Variants in DPP6 observed in about 807,000 individuals in gnomAD.
DPP6 encodes A-type potassium channel modulatory protein DPP6.
Under a neutral mutation model 122.6 loss-of-function variants are expected in DPP6, and 69 were observed. The ratio of observed to expected loss-of-function variants is 0.56; its 90% CI spans 0.46 to 0.69. The LOEUF (loss-of-function observed/expected upper bound fraction) is 0.69. Among genes scored for constraint, DPP6 ranks in the 30% least tolerant of loss-of-function variants. The probability of loss-of-function intolerance (pLI) is 0.00; values close to 1 mark genes in which losing one functional copy is unlikely to be tolerated. For synonymous variants in DPP6, 418 were observed against 433.1 expected (o/e 0.97, Z 0.43); for missense variants, 928 against 1,116.9 (o/e 0.83, Z 2.41).
intron 1 of DPP6, among the ~76,000 whole-genome samples, 173 bp downstream of exon 1, chr7:154,053,236 G>A (rs1335513524): frequency 1.5e-5 from 2 of 135,522 alleles, no homozygotes; most frequent in Non-Finnish European, 3.2e-5. Flanking sequence ...CGGTCACCGC[G>A]TCCCGGAGGG....
the DPP6 span, among the ~76,000 whole-genome samples, chr7:153,833,631 G>A: frequency 7.3e-5 from 11 of 151,348 alleles, no homozygotes; most frequent in African/African-American, 2.7e-4. Context: ...AAATTGGAGT[G>A]TCACTGCACT....
chr7:153,980,648 A>G (rs1389209918), intron 1 of DPP6, among the ~76,000 whole-genome samples: 1 of 152,080 alleles, frequency 6.6e-6, no homozygotes, highest in African/African-American at 2.4e-5. Context: ...TAGGGTGTCA[A>G]CCTTAGACCT....
the DPP6 span, among the ~76,000 whole-genome samples, chr7:153,757,341 C>T: frequency 6.6e-6 from 1 of 152,170 alleles, no homozygotes; most frequent in Non-Finnish European, 1.5e-5. Context: ...AATGTGCGCA[C>T]AGCAGAACAA....
chr7:154,581,994 G>T (rs1387532565), intron 5 of DPP6, among the ~76,000 whole-genome samples: 1 of 152,142 alleles, frequency 6.6e-6, no homozygotes, highest in East Asian at 1.9e-4. Flanking sequence ...GGCATAACTG[G>T]AGTAGACCCG....
chr7:154,345,169 G>A (rs561350765), intron 1 of DPP6, among the ~76,000 whole-genome samples: 2 of 152,224 alleles, frequency 1.3e-5, no homozygotes, highest in African/African-American at 4.8e-5. Context: ...GGTGTCTGGT[G>A]AGGGCTCTCT....
At position 154,313,751 on chromosome 7, in the gene DPP6, A is replaced by ACACACACACACATACACC. The variant is rs147976247; in HGVS notation, c.244-132462_244-132461insACACACACACATACACCC. On this transcript the variant is annotated intron_variant, in intron 1 of 25. Transcript: ENST00000377770. ...CACGCACACACACACACACACACAC[A>ACACACACACACATACACC]CCCTTACATATATATGTAGTACTTC... Among the ~76,000 whole-genome samples, 10 of 45,276 alleles carry ACACACACACACATACACC rather than the reference A, an allele frequency of 2.2e-4. 2 individuals carry two copies. The highest frequency in any genetic ancestry group is 1.4e-3 in the Admixed American group (6 of 4,216). The allele number at this position is 45,276 out of a possible 152,430, so 29.7% of individuals were successfully genotyped here.
At chr7:154,203,858 A>G (rs1272756930) in intron 1 of DPP6, among the ~76,000 whole-genome samples, 2 of 152,322 alleles carry the variant, frequency 1.3e-5, no homozygotes, top group South Asian at 2.1e-4. Context: ...ACTTTGCCTC[A>G]GTTTCTTATA....
intron 1 of DPP6, among the ~76,000 whole-genome samples, chr7:154,235,051 T>G (rs2150859471): frequency 6.6e-6 from 1 of 152,348 alleles, no homozygotes; most frequent in East Asian, 1.9e-4. Context: ...ACCATACAAT[T>G]TACCCATTTA....
At chr7:154,134,044 T>C (rs1286322403) in intron 1 of DPP6, among the ~76,000 whole-genome samples, 1 of 151,850 alleles carries the variant, frequency 6.6e-6, no homozygotes, top group Non-Finnish European at 1.5e-5. Context: ...AATTTGGTTT[T>C]CCACTGTGCA....
chr7:153,991,206 C>G (rs1251847598), intron 1 of DPP6, among the ~76,000 whole-genome samples: 1 of 151,966 alleles, frequency 6.6e-6, no homozygotes, highest in Non-Finnish European at 1.5e-5. Flanking sequence ...TAGCTCATAG[C>G]ATTTGAAGAG....
At chr7:154,542,255 A>C (rs996948750) in intron 4 of DPP6, among the ~76,000 whole-genome samples, 1 of 152,324 alleles carries the variant, frequency 6.6e-6, no homozygotes, top group African/African-American at 2.4e-5. Flanking sequence ...TGCATTAAAA[A>C]AATCATCTTT....
At chr7:154,450,060 G>C (rs904321509) in intron 2 of DPP6, among the ~76,000 whole-genome samples, 1 of 149,636 alleles carries the variant, frequency 6.7e-6, no homozygotes, top group Non-Finnish European at 1.5e-5. Context: ...AAATAAATGT[G>C]ATGTAACCAT....
chr7:154,388,464 C>G (rs891826308), intron 1 of DPP6, among the ~76,000 whole-genome samples: 2 of 152,122 alleles, frequency 1.3e-5, no homozygotes, highest in Non-Finnish European at 2.9e-5. Flanking sequence ...AGTCTTCCCC[C>G]CAAAACTCTT....
At chr7:154,141,851 A>G (rs1043548184) in intron 1 of DPP6, among the ~76,000 whole-genome samples, 2 of 152,222 alleles carry the variant, frequency 1.3e-5, no homozygotes, top group Non-Finnish European at 2.9e-5. Context: ...ATCACTGAGG[A>G]ACCAGAGAAA....
At chr7:154,708,592 C>T (rs1247566949) in intron 7 of DPP6, among the ~76,000 whole-genome samples, 1 of 152,036 alleles carries the variant, frequency 6.6e-6, no homozygotes, top group African/African-American at 2.4e-5. Flanking sequence ...GAATTTATCC[C>T]AGGGAAATAT....
chr7:154,358,971 G>C (rs1363491029), intron 1 of DPP6, among the ~76,000 whole-genome samples: 1 of 152,210 alleles, frequency 6.6e-6, no homozygotes, highest in Admixed American at 6.5e-5. Context: ...CTCCCAAAGT[G>C]CTGGGATTAC....
chr7:154,596,533 G>C (rs1036705346), intron 5 of DPP6, among the ~76,000 whole-genome samples: 9 of 152,194 alleles, frequency 5.9e-5, no homozygotes, highest in Non-Finnish European at 1.2e-4. Flanking sequence ...TGGATAGCAA[G>C]AGAAAGATGG....
chr7:154,817,327 C>T (rs1267562509), intron 16 of DPP6, among the ~76,000 whole-genome samples: 8 of 151,986 alleles, frequency 5.3e-5, no homozygotes, highest in East Asian at 1.9e-4. Flanking sequence ...GAGTGATTAA[C>T]GGATGATGTC....
At chr7:154,716,135 T>C (rs1253274628) in intron 7 of DPP6, among the ~76,000 whole-genome samples, 2 of 152,192 alleles carry the variant, frequency 1.3e-5, no homozygotes, top group Non-Finnish European at 2.9e-5. Flanking sequence ...CCTCCAGACT[T>C]CTGCCTCCCA....
Sources: allele counts gnomAD v4.1 joint callset (sites outside exome capture counted in the v4.1 genomes callset), GRCh38; gene constraint gnomAD v4.1.1; transcripts MANE v1.5; gene names NCBI Gene and HGNC (gene_info 2026-07-23, HGNC 2026-07-21).